The following PIP5K1B variants were observed in gnomAD, a reference collection of about 807,000 sequenced individuals.
The protein encoded by PIP5K1B is phosphatidylinositol-4-phosphate 5-kinase type 1 beta.
PIP5K1B carries 42 observed loss-of-function variants against 67.0 expected under a neutral mutation model. The ratio of observed to expected loss-of-function variants is 0.63; its 90% CI spans 0.49 to 0.81. The LOEUF (loss-of-function observed/expected upper bound fraction) is 0.81. PIP5K1B is among the 30% of genes least tolerant of loss of function. The pLI, the probability that PIP5K1B is intolerant of heterozygous loss-of-function variation, is 0.00. For missense variants in PIP5K1B, 459 were observed against 646.3 expected (o/e 0.71, Z 3.14); for synonymous variants, 214 against 231.4 (o/e 0.92, Z 0.68).
At chr9:68,849,826 T>C (rs560622959) in intron 4 of PIP5K1B, among the ~76,000 whole-genome samples, 1 of 152,354 alleles carries the variant, frequency 6.6e-6, no homozygotes, top group African/African-American at 2.4e-5. Context: ...AGTTTTTTTT[T>C]AACTTTTTCT....
intron 2 of PIP5K1B, among the ~76,000 whole-genome samples, chr9:68,793,832 G>A (rs1367416031): frequency 6.6e-6 from 1 of 152,206 alleles, no homozygotes; most frequent in African/African-American, 2.4e-5. Context: ...CCTGTGGATA[G>A]TGAAGTCAGG....
intron 4 of PIP5K1B, among the ~76,000 whole-genome samples, chr9:68,835,295 C>T (rs555153878): frequency 3.3e-5 from 5 of 152,216 alleles, no homozygotes; most frequent in Non-Finnish European, 7.3e-5. Flanking sequence ...CCTTACTCTC[C>T]GTCTTCCTTC....
chr9:68,930,939 AAATT>A (rs1826964926), intron 12 of PIP5K1B, among the ~76,000 whole-genome samples: 1 of 152,150 alleles, frequency 6.6e-6, no homozygotes, highest in African/African-American at 2.4e-5. Flanking sequence ...AAGGGTAATT[AAATT>A]ATTAGAAAAG....
At chr9:68,994,040 T>A (rs1428948050) in intron 15 of PIP5K1B, among the ~76,000 whole-genome samples, 3 of 145,914 alleles carry the variant, frequency 2.1e-5, no homozygotes, top group African/African-American at 7.7e-5. Flanking sequence ...TTCCTGAATT[T>A]TTTTTTTTTT....
At chr9:68,743,740 T>G (rs1829132296) in intron 2 of PIP5K1B, among the ~76,000 whole-genome samples, 1 of 152,236 alleles carries the variant, frequency 6.6e-6, no homozygotes, top group African/African-American at 2.4e-5. Context: ...GTGTCATGTT[T>G]TACTGCCCTG....
In PIP5K1B at chr9:68,705,326, C is replaced by CCCAGGTT. The variant is rs1827067740; in HGVS notation, c.-677_-676insAGGTTCC. 3 of 151,538 alleles carry CCCAGGTT rather than the reference C, an allele frequency of 2.0e-5. No individual in the cohort carries two copies. The South Asian group carries it at 6.2e-4, about 31-fold the overall frequency. 9.4% of individuals were successfully genotyped at this position (151,538 alleles called of 1,614,324 possible). Reference sequence around the variant, plus strand: ...GGGCGCCGCTGCTGCTCCTCTCGGTCCCCGGTTCCCGGTCCCCGAACGCGC... The same window carrying CCCAGGTT: ...GGGCGCCGCTGCTGCTCCTCTCGGTCCCAGGTTCCCGGTTCCCGGTCCCCGAACGCGC... On this transcript the variant is annotated 5_prime_UTR_variant, in exon 1 of 16. Transcript: ENST00000265382.
intron 2 of PIP5K1B, among the ~76,000 whole-genome samples, chr9:68,814,805 G>A (rs1833353727): frequency 6.6e-6 from 1 of 152,018 alleles, no homozygotes; most frequent in African/African-American, 2.4e-5. Flanking sequence ...GAGCAACAGA[G>A]CCAGACCCTG....
rs779133071 is a variant in PIP5K1B, at chr9:68,991,201, G to C, written c.1564G>C (p.Glu522Gln). 6.2e-7 allele frequency: 1 copy of C among 1,612,784 alleles called. No homozygotes were observed. Among genetic ancestry groups the C allele is most frequent in the East Asian group, 2.2e-5 (1 of 44,872 alleles). Reference protein sequence around the residue: ...LEEGTIYLTAEPNTLEVQDDN... With the variant: ...LEEGTIYLTAQPNTLEVQDDN... Reference sequence around the variant, plus strand: ...AGAGGGGACCATCTACTTGACCGCTGAGCCCAACACTCTGGAAGTGCAGGA... The same window carrying C: ...AGAGGGGACCATCTACTTGACCGCTCAGCCCAACACTCTGGAAGTGCAGGA... Residue 522 changes from glutamate to glutamine, a missense_variant, in exon 15 of 16, where the codon GAG (glutamate) becomes CAG (glutamine). Physicochemically the swap from Glu to Gln is conservative, Grantham distance 29. Around this residue, in one of 2 missense-constraint regions of PIP5K1B, gnomAD observed 169 missense variants for 171.9 expected, o/e 0.98. Transcript: ENST00000265382.
chr9:68,899,655 T>C (rs1430505270), intron 8 of PIP5K1B, among the ~76,000 whole-genome samples: 37 of 152,256 alleles, frequency 2.4e-4, no homozygotes, highest in Admixed American at 2.4e-3. Context: ...TTTGAAAAGT[T>C]GTACTGGTTG....
rs1462928413 is a variant in PIP5K1B at position 68,934,953 on chromosome 9, A to G, written c.1265A>G (p.Gln422Arg). 6.2e-7 allele frequency: 1 copy of G among 1,613,636 alleles called. No individual in the cohort carries two copies. Among genetic ancestry groups the G allele is most frequent in the East Asian group, 2.2e-5 (1 of 44,854 alleles). Residue 422 changes from glutamine (Q) to arginine (R), a missense_variant, in exon 13 of 16, where the codon CAG (glutamine) becomes CGG (arginine). Gln to Arg is a conservative substitution (Grantham distance 43, BLOSUM62 1). Coordinates refer to ENST00000265382, the MANE Select transcript of PIP5K1B (RefSeq NM_003558.4). ...NSIAALKATS[Q>R]EIVSSISQEW... ...ATCGCCGCCCTAAAGGCCACTTCAC[A>G]GGAGATTGTGTCCTCAATTAGCCAG...
intron 4 of PIP5K1B, among the ~76,000 whole-genome samples, chr9:68,847,336 C>T (rs1822240515): frequency 6.7e-6 from 1 of 149,558 alleles, no homozygotes; most frequent in Non-Finnish European, 1.5e-5. Flanking sequence ...ATTAAGTTTC[C>T]ATGCTGGTTT....
At chr9:68,903,151 T>C (rs1307552537) in intron 8 of PIP5K1B, among the ~76,000 whole-genome samples, 1 of 152,216 alleles carries the variant, frequency 6.6e-6, no homozygotes, top group Non-Finnish European at 1.5e-5. Context: ...AAAAATCTGC[T>C]CTGTGGGAAC....
At chr9:68,999,827 A>G (rs754018521) in intron 15 of PIP5K1B, among the ~76,000 whole-genome samples, 7 of 152,244 alleles carry the variant, frequency 4.6e-5, no homozygotes, top group Non-Finnish European at 1.0e-4. Context: ...CCTACTGATA[A>G]TCAAGGCGGG....
chr9:68,961,337 T>A (rs1828737578), intron 14 of PIP5K1B, among the ~76,000 whole-genome samples: 1 of 152,222 alleles, frequency 6.6e-6, no homozygotes, highest in South Asian at 2.1e-4. Flanking sequence ...AATTTTCTTC[T>A]CGAGGTGATG....
At chr9:68,944,850 T>A (rs761374806) in intron 14 of PIP5K1B, among the ~76,000 whole-genome samples, 3 of 152,242 alleles carry the variant, frequency 2.0e-5, no homozygotes, top group East Asian at 3.8e-4. Context: ...TAGAGATCTT[T>A]CTTTAGATTT....
chr9:68,755,213 A>G (rs1038080212), intron 2 of PIP5K1B, among the ~76,000 whole-genome samples: 5 of 152,228 alleles, frequency 3.3e-5, no homozygotes, highest in African/African-American at 1.2e-4. Flanking sequence ...TTCAAAAAAG[A>G]AATGTTTTCC....
intron 2 of PIP5K1B, chr9:68,780,666 A>G: frequency 6.2e-7 from 1 of 1,614,240 alleles, no homozygotes; most frequent in East Asian, 2.2e-5. Flanking sequence ...TGTAAGTAGC[A>G]ACGGATTGCC....
At chr9:68,869,735 T>C (rs1823540608) in intron 5 of PIP5K1B, among the ~76,000 whole-genome samples, 2 of 152,136 alleles carry the variant, frequency 1.3e-5, no homozygotes, top group Admixed American at 6.5e-5. Context: ...CCCAGCACTT[T>C]GGGAGGCCGA....
At chr9:68,872,572 G>T (rs920525580) in intron 5 of PIP5K1B, among the ~76,000 whole-genome samples, 4 of 152,144 alleles carry the variant, frequency 2.6e-5, no homozygotes, top group Admixed American at 6.5e-5. Context: ...GGCTTGTCCT[G>T]TTCTTAAAAG....
Sources: allele counts gnomAD v4.1 joint callset (sites outside exome capture counted in the v4.1 genomes callset), GRCh38; gene constraint gnomAD v4.1.1; regional missense constraint gnomAD v4.1.1; transcripts MANE v1.5; gene names NCBI Gene and HGNC (gene_info 2026-07-23, HGNC 2026-07-21).